STAG1: variants seen among roughly 807,000 people sequenced by gnomAD.
STAG1 encodes STAG1 cohesin complex component.
In STAG1, 26 loss-of-function variants were observed where a neutral mutation model predicts 170.9. The ratio of observed to expected loss-of-function variants is 0.15; its 90% confidence interval spans 0.11 to 0.21. The LOEUF (loss-of-function observed/expected upper bound fraction) is 0.21. Ranked by LOEUF, STAG1 falls within the 10% of genes least tolerant of loss-of-function variation. The probability of loss-of-function intolerance (pLI) is 1.00; values close to 1 mark genes in which losing one functional copy is unlikely to be tolerated. For synonymous variants in STAG1, 514 were observed against 497.7 expected (o/e 1.03, Z -0.44); for missense variants, 964 against 1,509.5 (o/e 0.64, Z 5.99).
chr3:136,476,679 A>C (rs2089758668), intron 10 of STAG1, among the ~76,000 whole-genome samples: 1 of 152,174 alleles, frequency 6.6e-6, no homozygotes, highest in Non-Finnish European at 1.5e-5. Flanking sequence ...TGCTTTTATG[A>C]TAAGTGCTCT....
chr3:136,400,628 C>T lies in STAG1; in HGVS notation c.2197-1799G>A, dbSNP rs143824534. Reference sequence around the variant, plus strand: ...TCGGCTCACTGCAACCTCCGCCTCCCGGGTTCAAGTGATTCTCCTGGCTCA... The same window carrying T: ...TCGGCTCACTGCAACCTCCGCCTCCTGGGTTCAAGTGATTCTCCTGGCTCA... On this transcript the variant is annotated intron_variant, in intron 21 of 33. Coordinates refer to ENST00000383202, the MANE Select transcript of STAG1 (RefSeq NM_005862.3). Among the ~76,000 whole-genome samples the T allele has an allele frequency of 9.4e-3, 1,430 of 152,178 alleles. 9 individuals are homozygous for T. The highest frequency in any genetic ancestry group is 0.037 in the Middle Eastern group (11 of 294).
intron 3 of STAG1, among the ~76,000 whole-genome samples, chr3:136,604,691 C>T (rs1441932266): frequency 6.6e-6 from 1 of 152,104 alleles, no homozygotes; most frequent in Non-Finnish European, 1.5e-5. Context: ...TGCTCTGTCG[C>T]CCAGGATGGA....
chr3:136,557,347 G>C (rs905500425), intron 5 of STAG1, among the ~76,000 whole-genome samples: 13 of 152,052 alleles, frequency 8.5e-5, no homozygotes, highest in Non-Finnish European at 1.6e-4. Flanking sequence ...TATGCTAATG[G>C]GGTCATTGTA....
At chr3:136,720,556 G>A (rs1015013088) in intron 1 of STAG1, among the ~76,000 whole-genome samples, 2 of 152,050 alleles carry the variant, frequency 1.3e-5, no homozygotes, top group African/African-American at 4.8e-5. Flanking sequence ...TTGGGAGGCC[G>A]AGGCAGGCAG....
At chr3:136,347,822 T>G (rs1395761490) in intron 29 of STAG1, among the ~76,000 whole-genome samples, 1 of 152,204 alleles carries the variant, frequency 6.6e-6, no homozygotes, top group Non-Finnish European at 1.5e-5. Context: ...GTATCTAATA[T>G]TCACGGGAAC....
intron 14 of STAG1, among the ~76,000 whole-genome samples, chr3:136,450,324 T>C (rs997912494): frequency 6.6e-6 from 1 of 152,200 alleles, no homozygotes; most frequent in Non-Finnish European, 1.5e-5. Flanking sequence ...GAATAAGAAC[T>C]GGCATTTTAA....
intron 25 of STAG1, among the ~76,000 whole-genome samples, chr3:136,364,992 C>A (rs778756212): frequency 1.3e-5 from 2 of 152,080 alleles, no homozygotes; most frequent in Non-Finnish European, 2.9e-5. Flanking sequence ...CTTTTAAGTT[C>A]AGACTGAACC....
chr3:136,472,300 A>G (rs1266935218), intron 12 of STAG1, 113 bp downstream of exon 12: 1 of 555,018 alleles, frequency 1.8e-6, no homozygotes, highest in African/African-American at 1.9e-5. Flanking sequence ...TAAAAGTTGA[A>G]CCTAAAATGA....
At chr3:136,520,938 T>G (rs576871952) in intron 7 of STAG1, among the ~76,000 whole-genome samples, 73 of 152,260 alleles carry the variant, frequency 4.8e-4, no homozygotes, top group African/African-American at 1.6e-3. Flanking sequence ...GGCCTAGTGG[T>G]CTCTTAAAAT....
At chr3:136,652,802 G>C (rs772761005) in intron 1 of STAG1, among the ~76,000 whole-genome samples, 5 of 152,126 alleles carry the variant, frequency 3.3e-5, no homozygotes, top group Non-Finnish European at 7.4e-5. Flanking sequence ...CTCAAGAATA[G>C]GGTTTCTCAA....
chr3:136,365,416 T>C (rs1207525345), intron 25 of STAG1, among the ~76,000 whole-genome samples: 2 of 151,978 alleles, frequency 1.3e-5, no homozygotes, highest in East Asian at 1.9e-4. Flanking sequence ...CTTTAAGAAA[T>C]GGTGAAGAAT....
At chr3:136,577,781 A>C (rs1220340588) in intron 4 of STAG1, among the ~76,000 whole-genome samples, 1 of 152,260 alleles carries the variant, frequency 6.6e-6, no homozygotes, top group East Asian at 1.9e-4. Flanking sequence ...GTATGATAGT[A>C]GATTCTAAAT....
At chr3:136,632,116 CAG>C (rs776462197) in intron 1 of STAG1, among the ~76,000 whole-genome samples, 14 of 151,820 alleles carry the variant, frequency 9.2e-5, no homozygotes, top group South Asian at 2.1e-4. Context: ...AAAGTACTGA[CAG>C]AGGGGGAAAA....
At chr3:136,705,021 CAATAAT>C (rs1384680475) in intron 1 of STAG1, among the ~76,000 whole-genome samples, 1 of 151,778 alleles carries the variant, frequency 6.6e-6, no homozygotes, top group Non-Finnish European at 1.5e-5. Context: ...TTCAATATAA[CAATAAT>C]AAAACTTCAC....
At chr3:136,377,778 G>C in intron 22 of STAG1, 26 bp from the exon 23 acceptor site, 1 of 1,584,838 alleles carries the variant, frequency 6.3e-7, no homozygotes, top group Non-Finnish European at 8.7e-7. Flanking sequence ...AAATTTGCAA[G>C]CGTGAATTAC....
At chr3:136,591,004 G>C (rs893464999) in intron 4 of STAG1, among the ~76,000 whole-genome samples, 3 of 149,204 alleles carry the variant, frequency 2.0e-5, no homozygotes, top group Admixed American at 6.7e-5. Flanking sequence ...GTTTTTTTTT[G>C]CATAATCTGA....
chr3:136,547,723 T>C (rs534946106), intron 5 of STAG1, among the ~76,000 whole-genome samples: 1 of 152,362 alleles, frequency 6.6e-6, no homozygotes, highest in South Asian at 2.1e-4. Context: ...TACTGCATTT[T>C]ATTTATCCAT....
At chr3:136,730,551 A>G (rs1029476229) in intron 1 of STAG1, among the ~76,000 whole-genome samples, 7 of 152,200 alleles carry the variant, frequency 4.6e-5, no homozygotes, top group African/African-American at 1.4e-4. Flanking sequence ...ACTTGACACC[A>G]TGTTTGATAC....
chr3:136,526,357 CTTT>C (rs774089516), intron 6 of STAG1, among the ~76,000 whole-genome samples: 14 of 152,176 alleles, frequency 9.2e-5, no homozygotes, highest in Admixed American at 8.5e-4. Context: ...TTATGGCCTT[CTTT>C]GTCTCTTTCT....
Sources: allele counts gnomAD v4.1 joint callset (sites outside exome capture counted in the v4.1 genomes callset), GRCh38; gene constraint gnomAD v4.1.1; transcripts MANE v1.5; gene names NCBI Gene and HGNC (gene_info 2026-07-23, HGNC 2026-07-21).